Variants in CTNNA2 observed in about 807,000 individuals in gnomAD.
The protein encoded by CTNNA2 is catenin alpha 2.
A neutral mutation model predicts 101.0 loss-of-function variants in CTNNA2; 42 were observed. That is an observed-to-expected ratio of 0.42 (90% CI 0.32 to 0.54). The LOEUF is 0.54. Ranked by LOEUF, CTNNA2 falls within the 20% of genes least tolerant of loss-of-function variation. The pLI, the probability that CTNNA2 is intolerant of heterozygous loss-of-function variation, is 0.14. For synonymous variants in CTNNA2, 450 were observed against 456.4 expected, an observed-to-expected ratio of 0.99 and a Z score of 0.18; for missense variants, 871 against 1,223.1, an observed-to-expected ratio of 0.71 and a Z score of 4.29.
intron 9 of CTNNA2, among the ~76,000 whole-genome samples, chr2:80,530,738 A>G (rs1690465641): frequency 6.6e-6 from 1 of 152,178 alleles, no homozygotes; most frequent in African/African-American, 2.4e-5. Context: ...TGAGCCTAAG[A>G]CAGCAGATAT....
intron 7 of CTNNA2, among the ~76,000 whole-genome samples, chr2:80,064,210 T>C (rs1280594336): frequency 1.3e-5 from 2 of 152,328 alleles, no homozygotes; most frequent in East Asian, 3.9e-4. Context: ...GAGGGCTGGG[T>C]TATCCAATAT....
chr2:79,493,043 T>C (rs1671219763), intron 4 of CTNNA2, among the ~76,000 whole-genome samples: 1 of 152,022 alleles, frequency 6.6e-6, no homozygotes, highest in Admixed American at 6.5e-5. Context: ...CAAACTATGA[T>C]TGGGAAAAAC....
rs116815056 is a variant in CTNNA2, at chr2:80,189,304, T to C, written c.1057-203907T>C. Among the ~76,000 whole-genome samples the C allele has an allele frequency of 8.5e-4, 129 of 152,256 alleles. 1 individual carries two copies. The highest frequency in any genetic ancestry group is 2.9e-3 in the African/African-American group (120 of 41,564). On this transcript the variant is annotated intron_variant, in intron 7 of 18. Coordinates refer to ENST00000402739, the MANE Select transcript of CTNNA2 (RefSeq NM_001282597.3). The stretch of plus-strand genomic sequence containing the variant: ...CAGTTAACAAGAGTACTGGGCCTGG[T>C]CAGAAATTTCTGCCAATGCTGAGTG...
chr2:80,143,414 A>G (rs746968752), intron 7 of CTNNA2, among the ~76,000 whole-genome samples: 3 of 152,114 alleles, frequency 2.0e-5, no homozygotes, highest in African/African-American at 4.8e-5. Flanking sequence ...GTCACCTCAA[A>G]TATTCGTCAA....
In CTNNA2 at chr2:79,459,309, CATT is replaced by C. The variant is rs368858796; in HGVS notation, c.-134-45740_-134-45738del. ...AGAAAATAATCTAGTTTACTTTTAACATTATTACGAACATACAGACAAATTGTA... is the reference window on the plus strand; with the variant it reads ...AGAAAATAATCTAGTTTACTTTTAACATTACGAACATACAGACAAATTGTA... On this transcript the variant is annotated intron_variant, in intron 4 of 21. Transcript: ENST00000466387. 6.4e-4 allele frequency among the ~76,000 whole-genome samples: 98 copies of C among 152,018 alleles called. 2 individuals are homozygous for C. In the East Asian group the frequency reaches 0.015, roughly 23 times the overall value.
At chr2:79,494,535 A>G (rs773897980) in intron 4 of CTNNA2, among the ~76,000 whole-genome samples, 4 of 152,216 alleles carry the variant, frequency 2.6e-5, no homozygotes, top group African/African-American at 4.8e-5. Context: ...ATTTTCCATG[A>G]AAGTGTCGAG....
intron 9 of CTNNA2, among the ~76,000 whole-genome samples, chr2:80,444,047 C>T (rs1682850074): frequency 6.6e-6 from 1 of 152,180 alleles, no homozygotes; most frequent in Admixed American, 6.5e-5. Flanking sequence ...TTAGTTCAAA[C>T]TCTGATCTGA....
intron 7 of CTNNA2, among the ~76,000 whole-genome samples, chr2:80,036,981 T>C (rs1028561933): frequency 2.0e-5 from 3 of 151,994 alleles, no homozygotes; most frequent in Non-Finnish European, 4.4e-5. Flanking sequence ...TTCAGGATCA[T>C]ATAGATATTG....
intron 7 of CTNNA2, among the ~76,000 whole-genome samples, chr2:80,202,898 G>A (rs1417395811): frequency 6.6e-6 from 1 of 152,172 alleles, no homozygotes; most frequent in Non-Finnish European, 1.5e-5. Context: ...AAAGCAAGAG[G>A]TTTATGGACT....
intron 12 of CTNNA2, among the ~76,000 whole-genome samples, chr2:80,564,280 C>G (rs957876554): frequency 6.6e-6 from 1 of 152,192 alleles, no homozygotes; most frequent in African/African-American, 2.4e-5. Flanking sequence ...AATAAGGCAT[C>G]ATGCTCATGC....
intron 9 of CTNNA2, among the ~76,000 whole-genome samples, chr2:80,473,114 A>C (rs1685438666): frequency 6.6e-6 from 1 of 152,214 alleles, no homozygotes; most frequent in Non-Finnish European, 1.5e-5. Flanking sequence ...AAGCACCTGC[A>C]TCCTTATCTG....
chr2:80,392,882 T>C (rs1677652746), intron 7 of CTNNA2, among the ~76,000 whole-genome samples: 1 of 152,182 alleles, frequency 6.6e-6, no homozygotes, highest in African/African-American at 2.4e-5. Flanking sequence ...CACAAAGCAT[T>C]TGTATTTGAA....
chr2:79,365,009 G>A (rs1257123663), intron 3 of CTNNA2, among the ~76,000 whole-genome samples: 1 of 152,100 alleles, frequency 6.6e-6, no homozygotes, highest in Non-Finnish European at 1.5e-5. Flanking sequence ...GGGCACAGTG[G>A]CTTATGCCTG....
At chr2:80,065,118 A>G (rs1384398021) in intron 7 of CTNNA2, among the ~76,000 whole-genome samples, 2 of 152,106 alleles carry the variant, frequency 1.3e-5, no homozygotes, top group Non-Finnish European at 2.9e-5. Context: ...GGCCAGTATG[A>G]TGGGAATTGT....
chr2:79,532,529 T>A (rs1672808592), intron 1 of CTNNA2, among the ~76,000 whole-genome samples: 1 of 152,198 alleles, frequency 6.6e-6, no homozygotes, highest in South Asian at 2.1e-4. Flanking sequence ...TGCATTCTTC[T>A]GATTAACTAA....
Position 80,206,760 on chromosome 2 carries a change from T to C in CTNNA2, c.1057-186451T>C, listed in dbSNP as rs552737501. ...ACATTTGCTTGATATGGTTTTGGCCTGAAAACATTAGAATTGATAAACCAA... is the reference window on the plus strand; with the variant it reads ...ACATTTGCTTGATATGGTTTTGGCCCGAAAACATTAGAATTGATAAACCAA... On this transcript the variant is annotated intron_variant, in intron 7 of 18. Transcript: ENST00000402739. Among the ~76,000 whole-genome samples the C allele has an allele frequency of 2.9e-3, 449 of 152,328 alleles. 2 individuals carry two copies. The highest frequency in any genetic ancestry group is 9.9e-3 in the African/African-American group (412 of 41,580).
chr2:79,365,839 C>T (rs1198869798), intron 3 of CTNNA2, among the ~76,000 whole-genome samples: 1 of 152,110 alleles, frequency 6.6e-6, no homozygotes, highest in African/African-American at 2.4e-5. Flanking sequence ...GGTAATGTCT[C>T]CTGGATCGTA....
intron 2 of CTNNA2, among the ~76,000 whole-genome samples, chr2:79,690,714 A>T (rs1242396063): frequency 6.6e-6 from 1 of 151,998 alleles, no homozygotes; most frequent in Non-Finnish European, 1.5e-5. Flanking sequence ...CACACAGAGA[A>T]CAGGTGGTGG....
intron 4 of CTNNA2, among the ~76,000 whole-genome samples, chr2:79,858,400 C>T (rs1285628843): frequency 6.6e-6 from 1 of 151,690 alleles, no homozygotes; most frequent in African/African-American, 2.4e-5. Flanking sequence ...ATTTTTTTTC[C>T]TAAAAACTGA....
Sources: allele counts gnomAD v4.1 joint callset (sites outside exome capture counted in the v4.1 genomes callset), GRCh38; gene constraint gnomAD v4.1.1; transcripts MANE v1.5; gene names NCBI Gene and HGNC (gene_info 2026-07-23, HGNC 2026-07-21).